EPHA6: variants seen among roughly 807,000 people sequenced by gnomAD.
EPHA6 encodes ephrin type-A receptor 6.
In EPHA6, 50 loss-of-function variants were observed where a neutral mutation model predicts 112.0. The observed-to-expected ratio is 0.45, with a 90% confidence interval of 0.36 to 0.56. EPHA6 has a LOEUF of 0.56. EPHA6 is among the 20% of genes least tolerant of loss of function. The pLI is 0.00. For synonymous variants in EPHA6, 529 were observed against 490.7 expected (o/e 1.08, Z -1.03); for missense variants, 1,280 against 1,417.4 (o/e 0.90, Z 1.56).
intron 14 of EPHA6, among the ~76,000 whole-genome samples, chr3:97,640,513 C>G (rs1318586471): frequency 6.6e-6 from 1 of 151,900 alleles, no homozygotes; most frequent in Non-Finnish European, 1.5e-5. Flanking sequence ...CGCCTGTTAT[C>G]CCATCCCAGC....
chr3:97,100,125 A>C (rs995856452), intron 3 of EPHA6, among the ~76,000 whole-genome samples: 1 of 151,780 alleles, frequency 6.6e-6, no homozygotes, highest in Admixed American at 6.6e-5. Flanking sequence ...TAGCAAAACA[A>C]AGTTAATAAA....
chr3:97,384,492 G>C (rs1405855924), intron 5 of EPHA6, among the ~76,000 whole-genome samples: 1 of 152,126 alleles, frequency 6.6e-6, no homozygotes, highest in Non-Finnish European at 1.5e-5. Flanking sequence ...GCTTTAGCCT[G>C]TCAATGGTTA....
chr3:97,058,597 C>T (rs749783862), intron 3 of EPHA6, among the ~76,000 whole-genome samples: 9 of 152,282 alleles, frequency 5.9e-5, no homozygotes, highest in African/African-American at 1.4e-4. Context: ...CCACCATGCC[C>T]GGCCTGGAGT....
At chr3:97,579,485 T>C (rs140719218) in intron 11 of EPHA6, among the ~76,000 whole-genome samples, 2 of 152,170 alleles carry the variant, frequency 1.3e-5, no homozygotes, top group Non-Finnish European at 2.9e-5. Context: ...GTAAATTACA[T>C]CATCCAGCAC....
chr3:96,987,734 T>C lies in EPHA6; in HGVS notation c.855T>C (p.Ile285=), dbSNP rs745853466. The C allele has an allele frequency of 6.2e-7, 1 of 1,612,310 alleles. No homozygotes were observed. The highest frequency in any genetic ancestry group is 8.5e-7 in the Non-Finnish European group (1 of 1,178,788). Residue 285 remains isoleucine, a synonymous_variant, in exon 3 of 18, where the codon ATT becomes ATC. Coordinates refer to ENST00000389672, the MANE Select transcript of EPHA6 (RefSeq NM_001080448.3). Reference sequence around the variant, plus strand: ...GATTTTATCTGGCTTTTCAAGACATTGGGGCGTGCATTGCCCTGGTTTCAG... The same window carrying C: ...GATTTTATCTGGCTTTTCAAGACATCGGGGCGTGCATTGCCCTGGTTTCAG... The part of the protein sequence containing the change: ...RKGFYLAFQD[I]GACIALVSVR...
intron 7 of EPHA6, among the ~76,000 whole-genome samples, chr3:97,450,469 C>A (rs1179024847): frequency 6.6e-6 from 1 of 152,000 alleles, no homozygotes; most frequent in Admixed American, 6.6e-5. Context: ...GTGAGAAATG[C>A]ACTCTCAGAT....
At chr3:97,409,813 T>A (rs1416540545) in intron 6 of EPHA6, among the ~76,000 whole-genome samples, 3 of 152,052 alleles carry the variant, frequency 2.0e-5, no homozygotes, top group African/African-American at 7.2e-5. Flanking sequence ...TTTATCACAG[T>A]CAGCAGTTTT....
intron 2 of EPHA6, among the ~76,000 whole-genome samples, chr3:96,953,718 A>G (rs1159542469): frequency 2.0e-5 from 3 of 152,184 alleles, no homozygotes; most frequent in Non-Finnish European, 2.9e-5. Flanking sequence ...ATATCACCAT[A>G]TGCTGATCTA....
intron 5 of EPHA6, among the ~76,000 whole-genome samples, chr3:97,254,334 G>A (rs184402536): frequency 1.3e-5 from 2 of 152,118 alleles, no homozygotes; most frequent in Non-Finnish European, 1.5e-5. Flanking sequence ...GACTATAGGC[G>A]CATGCCACCA....
chr3:97,126,379 C>T (rs1412514978), intron 3 of EPHA6, among the ~76,000 whole-genome samples: 3 of 152,152 alleles, frequency 2.0e-5, no homozygotes, highest in Non-Finnish European at 4.4e-5. Flanking sequence ...CAGAAGAAAA[C>T]AGTAATTTTC....
At chr3:97,386,400 G>A in intron 5 of EPHA6, among the ~76,000 whole-genome samples, 1 of 152,114 alleles carries the variant, frequency 6.6e-6, no homozygotes, top group East Asian at 1.9e-4. Context: ...GGAGAAATTA[G>A]CCAAAACAAA....
rs1296406026 is a variant in EPHA6, at chr3:97,754,142, G to A, written c.*5441G>A. Among the ~76,000 whole-genome samples, 1 of 141,564 alleles carries A rather than the reference G, an allele frequency of 7.1e-6. No individual in the cohort carries two copies. The allele number at this position is 141,564 out of a possible 152,430, so 92.9% of individuals were successfully genotyped here. A position where few individuals can be genotyped will look rare whatever the true frequency, so the allele number is the denominator to read the frequency against. On this transcript the variant is annotated 3_prime_UTR_variant, in exon 18 of 18. Coordinates refer to ENST00000389672, the MANE Select transcript of EPHA6 (RefSeq NM_001080448.3). ...TCCCTCTTGTTGCCCAGGCTGGAGT[G>A]CAATGGTGCAATCTTGGCTCACCAC...
chr3:96,843,719 A>G (rs1343604098), intron 1 of EPHA6, among the ~76,000 whole-genome samples: 1 of 152,080 alleles, frequency 6.6e-6, no homozygotes, highest in Non-Finnish European at 1.5e-5. Context: ...CCAGCCAAAA[A>G]TGAGCTAACT....
At chr3:97,477,176 T>G (rs1453190566) in intron 8 of EPHA6, among the ~76,000 whole-genome samples, 2 of 152,048 alleles carry the variant, frequency 1.3e-5, no homozygotes, top group Non-Finnish European at 2.9e-5. Flanking sequence ...AGAAAGCAAA[T>G]TTTGGAATCT....
intron 3 of EPHA6, among the ~76,000 whole-genome samples, chr3:97,086,871 T>C (rs2046918157): frequency 6.6e-6 from 1 of 152,172 alleles, no homozygotes; most frequent in Non-Finnish European, 1.5e-5. Context: ...TTAAAAGTTT[T>C]TTCCCATTAT....
chr3:97,341,621 G>A (rs542758051), intron 5 of EPHA6, among the ~76,000 whole-genome samples: 25 of 152,058 alleles, frequency 1.6e-4, no homozygotes, highest in Non-Finnish European at 3.2e-4. Context: ...CCAAAGAGCT[G>A]GGATTACTCC....
At chr3:96,925,402 T>C (rs1053629998) in intron 2 of EPHA6, among the ~76,000 whole-genome samples, 1 of 152,154 alleles carries the variant, frequency 6.6e-6, no homozygotes, top group African/African-American at 2.4e-5. Context: ...AATTTATCCA[T>C]TTCTTCTAGA....
intron 1 of EPHA6, among the ~76,000 whole-genome samples, chr3:96,864,356 T>C (rs1347819386): frequency 6.6e-6 from 1 of 152,054 alleles, no homozygotes; most frequent in African/African-American, 2.4e-5. Context: ...TACAGTGGAA[T>C]AGGTTTCAGC....
chr3:97,139,227 A>AT (rs1055544111), intron 3 of EPHA6, among the ~76,000 whole-genome samples: 2 of 152,110 alleles, frequency 1.3e-5, no homozygotes, highest in African/African-American at 2.4e-5. Context: ...AATTCTCTTG[A>AT]TTAACAAAGG....
Sources: allele counts gnomAD v4.1 joint callset (sites outside exome capture counted in the v4.1 genomes callset), GRCh38; gene constraint gnomAD v4.1.1; transcripts MANE v1.5; gene names NCBI Gene and HGNC (gene_info 2026-07-23, HGNC 2026-07-21).